The following NRXN1 variants were observed in gnomAD, a reference collection of about 807,000 sequenced individuals.
The protein encoded by NRXN1 is neurexin 1.
Under a neutral mutation model 150.9 loss-of-function variants are expected in NRXN1, and 39 were observed. The observed-to-expected ratio is 0.26, with a 90% CI of 0.20 to 0.34. The LOEUF (loss-of-function observed/expected upper bound fraction) is 0.34, where lower values mean the gene tolerates loss of function less well. NRXN1 is among the 10% of genes least tolerant of loss of function. The pLI is 1.00. For missense variants in NRXN1, 1,815 were observed against 1,949.9 expected, an observed-to-expected ratio of 0.93 and a Z score of 1.30; for synonymous variants, 924 against 757.0, an observed-to-expected ratio of 1.22 and a Z score of -3.62.
intron 5 of NRXN1, among the ~76,000 whole-genome samples, chr2:50,895,561 T>A (rs1046921901): frequency 6.7e-6 from 1 of 148,186 alleles, no homozygotes; most frequent in Non-Finnish European, 1.5e-5. Context: ...TTTTGTTTTT[T>A]TTGGTTGTTT....
intron 12 of NRXN1, among the ~76,000 whole-genome samples, chr2:50,512,719 A>G (rs1223144239): frequency 1.3e-5 from 2 of 152,146 alleles, no homozygotes; most frequent in African/African-American, 4.8e-5. Context: ...GAGGGTAAAC[A>G]TTCTTTGACC....
chr2:50,823,888 T>C (rs991735675), intron 5 of NRXN1, among the ~76,000 whole-genome samples: 11 of 152,320 alleles, frequency 7.2e-5, no homozygotes, highest in African/African-American at 2.4e-4. Context: ...CAAATATATG[T>C]CAAATATTTC....
chr2:50,780,277 T>G (rs1704197402), intron 5 of NRXN1, among the ~76,000 whole-genome samples: 1 of 152,148 alleles, frequency 6.6e-6, no homozygotes, highest in Non-Finnish European at 1.5e-5. Flanking sequence ...CGGCAAAAAT[T>G]TTCTCCTTTC....
rs1686483692 is a variant in NRXN1 at position 50,656,482 on chromosome 2, T to C, written c.833-32867A>G. The C allele has an allele frequency of 4.2e-6, 3 of 710,602 alleles. No homozygotes were observed. In the East Asian group the frequency reaches 7.7e-5, roughly 18 times the overall value. 44.0% of individuals were successfully genotyped at this position (710,602 alleles called of 1,614,324 possible). A position where few individuals can be genotyped will look rare whatever the true frequency, so the allele number is the denominator to read the frequency against. On this transcript the variant is annotated intron_variant, in intron 5 of 22. Coordinates refer to ENST00000401669, the MANE Select transcript of NRXN1 (RefSeq NM_001330078.2). ...TTTCAGTTTTTGCTCTGTTTAAACATTCACACCAACTGAGGTCTGGGGGTG... is the reference window on the plus strand; with the variant it reads ...TTTCAGTTTTTGCTCTGTTTAAACACTCACACCAACTGAGGTCTGGGGGTG...
chr2:50,516,260 C>G lies in NRXN1; in HGVS notation c.2375-9643G>C, dbSNP rs2092628462. Among the ~76,000 whole-genome samples, 4 of 152,092 alleles carry G rather than the reference C, an allele frequency of 2.6e-5. No homozygotes were observed. In the South Asian group the frequency reaches 8.3e-4, roughly 31 times the overall value. On this transcript the variant is annotated intron_variant, in intron 12 of 22. Transcript: ENST00000401669. ...AGTCCTTATTCAAAATTAAGAATTT[C>G]AAGATGGTAGCAGTGGAGCATTAAC...
chr2:50,451,347 T>A (rs913912438), intron 17 of NRXN1, among the ~76,000 whole-genome samples: 2 of 152,220 alleles, frequency 1.3e-5, no homozygotes, highest in African/African-American at 4.8e-5. Context: ...TCCTGGTTAT[T>A]TGAAATGCTC....
chr2:50,509,966 C>CGTCCCCT (rs1019496605), intron 12 of NRXN1, among the ~76,000 whole-genome samples: 3 of 152,098 alleles, frequency 2.0e-5, no homozygotes, highest in African/African-American at 7.2e-5. Context: ...AACACCAGAG[C>CGTCCCCT]GTCCCCTCTG....
At chr2:50,395,453 T>G (rs182799145) in intron 17 of NRXN1, among the ~76,000 whole-genome samples, 7 of 151,960 alleles carry the variant, frequency 4.6e-5, no homozygotes, top group Admixed American at 4.6e-4. Context: ...CTTGCTCACA[T>G]TTACTCTGAT....
At chr2:50,434,599 G>A (rs567984849) in intron 17 of NRXN1, among the ~76,000 whole-genome samples, 26 of 152,264 alleles carry the variant, frequency 1.7e-4, no homozygotes, top group South Asian at 1.7e-3. Context: ...GAAACAGCAC[G>A]AAATGGGAAG....
intron 18 of NRXN1, among the ~76,000 whole-genome samples, chr2:50,141,238 G>C (rs1707229795): frequency 6.6e-6 from 1 of 151,840 alleles, no homozygotes; most frequent in Non-Finnish European, 1.5e-5. Context: ...CCATGTGCTG[G>C]GAAACCTGGA....
At chr2:50,802,045 GA>G (rs937962051) in intron 5 of NRXN1, among the ~76,000 whole-genome samples, 1 of 151,620 alleles carries the variant, frequency 6.6e-6, no homozygotes, top group East Asian at 1.9e-4. Flanking sequence ...TTTCTGTGTG[GA>G]AAAAAAATCA....
intron 21 of NRXN1, among the ~76,000 whole-genome samples, chr2:49,987,320 A>T (rs1681096050): frequency 1.3e-5 from 2 of 152,146 alleles, no homozygotes; most frequent in South Asian, 4.1e-4. Context: ...AAAAGGTCTT[A>T]CAACACTCCT....
At chr2:50,316,190 G>T (rs991768229) in intron 17 of NRXN1, among the ~76,000 whole-genome samples, 3 of 151,980 alleles carry the variant, frequency 2.0e-5, no homozygotes, top group African/African-American at 2.4e-5. Context: ...AGAAATGTTG[G>T]GGGAAGAGGA....
intron 18 of NRXN1, among the ~76,000 whole-genome samples, chr2:50,110,249 G>A (rs934994384): frequency 6.6e-6 from 1 of 152,058 alleles, no homozygotes; most frequent in Non-Finnish European, 1.5e-5. Flanking sequence ...CCAGCACTTT[G>A]GGAGGCTGAG....
intron 5 of NRXN1, among the ~76,000 whole-genome samples, chr2:50,773,804 T>C (rs1311278849): frequency 6.6e-6 from 1 of 152,056 alleles, no homozygotes; most frequent in African/African-American, 2.4e-5. Flanking sequence ...AAGGACAAGG[T>C]TGAGTCTCCA....
chr2:50,305,738 C>A (rs2074554720), intron 17 of NRXN1, among the ~76,000 whole-genome samples: 1 of 152,142 alleles, frequency 6.6e-6, no homozygotes, highest in African/African-American at 2.4e-5. Flanking sequence ...GTCCACACTT[C>A]CAAAAATTCA....
At chr2:50,422,893 T>G (rs2084110902) in intron 17 of NRXN1, among the ~76,000 whole-genome samples, 1 of 152,148 alleles carries the variant, frequency 6.6e-6, no homozygotes, top group South Asian at 2.1e-4. Context: ...ACTCTCAGTT[T>G]TATATGAAAG....
intron 17 of NRXN1, among the ~76,000 whole-genome samples, chr2:50,461,027 T>C (rs1407221502): frequency 6.6e-6 from 1 of 152,008 alleles, no homozygotes; most frequent in Non-Finnish European, 1.5e-5. Context: ...TTTAAAAATA[T>C]ATGTTATGAT....
At chr2:50,420,798 C>T (rs1481623174) in intron 17 of NRXN1, among the ~76,000 whole-genome samples, 1 of 151,980 alleles carries the variant, frequency 6.6e-6, no homozygotes, top group African/African-American at 2.4e-5. Flanking sequence ...CTGTGTTTTG[C>T]TGTGGTAATC....
Sources: allele counts gnomAD v4.1 joint callset (sites outside exome capture counted in the v4.1 genomes callset), GRCh38; gene constraint gnomAD v4.1.1; transcripts MANE v1.5; gene names NCBI Gene and HGNC (gene_info 2026-07-23, HGNC 2026-07-21).